CACNA2D4: variants seen among roughly 807,000 people sequenced by gnomAD.
The protein encoded by CACNA2D4 is voltage-dependent calcium channel subunit alpha-2/delta-4.
In CACNA2D4, 157 loss-of-function variants were observed where a neutral mutation model predicts 163.8. The observed-to-expected ratio is 0.96, with a 90% confidence interval of 0.84 to 1.09. The LOEUF (loss-of-function observed/expected upper bound fraction) is 1.09. Ranked by LOEUF, CACNA2D4 falls within the 50% of genes least tolerant of loss-of-function variation. The probability of loss-of-function intolerance (pLI) is 0.00; values close to 1 mark genes in which losing one functional copy is unlikely to be tolerated. For missense variants in CACNA2D4, 1,410 were observed against 1,479.9 expected (o/e 0.95, Z 0.78); for synonymous variants, 598 against 586.9 (o/e 1.02, Z -0.27).
At chr12:1,862,744 A>G (rs1865551309) in intron 18 of CACNA2D4, among the ~76,000 whole-genome samples, 1 of 152,188 alleles carries the variant, frequency 6.6e-6, no homozygotes, top group Admixed American at 6.5e-5. Context: ...CATTTCTCTG[A>G]TGACTAATGT....
Position 1,883,121 on chromosome 12 carries a change from C to T in CACNA2D4, c.1352-121G>A. On this transcript the variant is annotated intron_variant, in intron 12 of 37. Transcript: ENST00000382722. The surrounding 1 kb of genome is among the most constrained non-coding windows in gnomAD (Gnocchi z 4.5). ...GCCGAATACTCTCTGGAAACTGGAC[C>T]GGGGCACAGGGAGCTGCTTCCCCAC... 6.9e-6 allele frequency: 8 copies of T among 1,161,856 alleles called. No individual in the cohort carries two copies. Among genetic ancestry groups the T allele is most frequent in the East Asian group, 5.2e-5 (2 of 38,536 alleles). The allele number at this position is 1,161,856 out of a possible 1,614,324, so 72.0% of individuals were successfully genotyped here.
In CACNA2D4 at chr12:1,875,733, C is replaced by T. The variant is rs1865868739; in HGVS notation, c.1720-396G>A. On this transcript the variant is annotated intron_variant, in intron 16 of 37. Coordinates refer to ENST00000382722, the MANE Select transcript of CACNA2D4 (RefSeq NM_172364.5). The surrounding 1 kb of genome is among the most constrained non-coding windows in gnomAD (Gnocchi z 4.0). ...GCATAGAATGTGTTCCACCTGACAGCCCCTGGGATTTCCAAAGATACTTGT... is the reference window on the plus strand; with the variant it reads ...GCATAGAATGTGTTCCACCTGACAGTCCCTGGGATTTCCAAAGATACTTGT... 1.3e-5 allele frequency among the ~76,000 whole-genome samples: 2 copies of T among 152,218 alleles called. 1 individual carries two copies. Among genetic ancestry groups the T allele is most frequent in the South Asian group, 4.1e-4 (2 of 4,834 alleles).
At chr12:1,824,551 TAGG>T (rs1445937432) in intron 26 of CACNA2D4, among the ~76,000 whole-genome samples, 2 of 152,160 alleles carry the variant, frequency 1.3e-5, no homozygotes, top group African/African-American at 2.4e-5. Context: ...AGGACTGGGT[TAGG>T]AGCAGGCCCA....
At chr12:1,885,861 T>G in intron 9 of CACNA2D4, 104 bp downstream of exon 9, 3 of 813,850 alleles carry the variant, frequency 3.7e-6, no homozygotes, top group Non-Finnish European at 6.1e-6. Flanking sequence ...CCAGGTGCCA[T>G]GGGAATAAGC....
rs112110254 is a variant in CACNA2D4, at chr12:1,850,830, C to A, written c.2246+3121G>T. Among the ~76,000 whole-genome samples, 1,296 of 148,860 alleles carry A rather than the reference C, an allele frequency of 8.7e-3. 18 individuals carry two copies. Among genetic ancestry groups the A allele is most frequent in the African/African-American group, 0.031 (1,238 of 40,468 alleles). ...TCAGGAGGCTGAGGCAGGAGAATGG[C>A]GAGCTTGTGCCACTGCACTCCAGCC... On this transcript the variant is annotated intron_variant, in intron 23 of 37. Transcript: ENST00000382722.
In CACNA2D4 at chr12:1,792,186, C is replaced by T. The variant is rs1443375590; in HGVS notation, c.*1469G>A. The T allele has an allele frequency of 6.6e-6, 1 of 151,944 alleles. No individual in the cohort carries two copies. The highest frequency in any genetic ancestry group is 1.5e-5 in the Non-Finnish European group (1 of 67,984). The allele number at this position is 151,944 out of a possible 1,614,324, so 9.4% of individuals were successfully genotyped here. On this transcript the variant is annotated 3_prime_UTR_variant, in exon 38 of 38. Transcript: ENST00000382722. ...AAACATGTTATTTGGTACATGTAAA[C>T]CTTAGCTGTTCTAGCATTATTCTGC...
intron 27 of CACNA2D4, among the ~76,000 whole-genome samples, chr12:1,810,816 T>C (rs1219360159): frequency 6.6e-6 from 1 of 151,994 alleles, no homozygotes; most frequent in Non-Finnish European, 1.5e-5. Flanking sequence ...ATGTGTGGGG[T>C]GTCTGTACGT....
chr12:1,804,774 T>C (rs908396937), intron 29 of CACNA2D4, among the ~76,000 whole-genome samples: 2 of 152,264 alleles, frequency 1.3e-5, no homozygotes, highest in Admixed American at 1.3e-4. Context: ...GGAAGTGGAC[T>C]CGAAGGCAGG....
At chr12:1,851,730 C>A (rs1865288869) in intron 23 of CACNA2D4, among the ~76,000 whole-genome samples, 1 of 132,934 alleles carries the variant, frequency 7.5e-6, no homozygotes, top group Non-Finnish European at 1.6e-5. Flanking sequence ...CTTGTTCTTC[C>A]AAATGAACTT....
intron 31 of CACNA2D4, chr12:1,800,717 G>A: frequency 1.7e-6 from 1 of 594,138 alleles, no homozygotes; most frequent in South Asian, 2.0e-5. Context: ...CCTCATCCTG[G>A]TGCTGCACTG....
chr12:1,795,686 C>T lies in CACNA2D4; in HGVS notation c.3208G>A (p.Glu1070Lys), dbSNP rs557723623. ...AGGATATATTTGACTTCTGTCGCCT[C>T]CTGCAGCACTGGTGGGAAGATGCTG... is the stretch of plus-strand genomic sequence containing the variant. Reference protein sequence around the residue: ...DCSIFPPVLQEATEVKYNASV... With the variant: ...DCSIFPPVLQKATEVKYNASV... The change falls in exon 36 of 38, where the codon GAG (glutamate) becomes AAG (lysine). Residue 1070 changes from glutamate (E) to lysine (K), a missense_variant. Physicochemically the swap from Glu to Lys is moderately conservative, Grantham distance 56. Transcript: ENST00000382722. 33 of 1,611,770 alleles carry T rather than the reference C, an allele frequency of 2.0e-5. No individual in the cohort carries two copies. The African/African-American group carries it at 4.1e-4, about 20-fold the overall frequency.
intron 18 of CACNA2D4, among the ~76,000 whole-genome samples, chr12:1,860,455 C>T (rs1423967531): frequency 6.6e-6 from 1 of 152,246 alleles, no homozygotes; most frequent in Admixed American, 6.5e-5. Context: ...CCTGCACTGC[C>T]CATCACGATA....
intron 18 of CACNA2D4, among the ~76,000 whole-genome samples, chr12:1,867,390 T>C (rs138175016): frequency 6.6e-6 from 1 of 152,188 alleles, no homozygotes; most frequent in South Asian, 2.1e-4. Context: ...TCTTTCTCTG[T>C]CTTTTTCCCC....
rs568766668 is a variant in CACNA2D4, at chr12:1,875,953, A to G, written c.1720-616T>C. Among the ~76,000 whole-genome samples, 1 of 152,078 alleles carries G rather than the reference A, an allele frequency of 6.6e-6. No homozygotes were observed. Among genetic ancestry groups the G allele is most frequent in the African/African-American group, 2.4e-5 (1 of 41,388 alleles). On this transcript the variant is annotated intron_variant, in intron 16 of 37. Transcript: ENST00000382722. This position sits in a 1 kb window ranked among gnomAD's most constrained non-coding sequence, Gnocchi z 4.0. ...TGCACTAAGGCGTCAGGGGGCCCTG[A>G]CTGCTGCCTGCGGTTCTGCTGTTTT...
intron 6 of CACNA2D4, among the ~76,000 whole-genome samples, chr12:1,889,597 G>A (rs983235149): frequency 2.0e-5 from 3 of 152,034 alleles, no homozygotes; most frequent in African/African-American, 7.3e-5. Context: ...CCAGTAGCTG[G>A]AACTATAGGT....
chr12:1,879,645 G>T (rs1010801277), intron 14 of CACNA2D4, among the ~76,000 whole-genome samples, 159 bp downstream of exon 14: 1 of 152,230 alleles, frequency 6.6e-6, no homozygotes, highest in Non-Finnish European at 1.5e-5. Context: ...AACCAGGAGA[G>T]TCTGGGGTAG....
At chr12:1,796,760 C>G (rs1487750097) in intron 35 of CACNA2D4, among the ~76,000 whole-genome samples, 3 of 152,320 alleles carry the variant, frequency 2.0e-5, no homozygotes, top group African/African-American at 7.2e-5. Flanking sequence ...GCACGTCTGG[C>G]TGAGGCGACC....
chr12:1,878,194 C>T lies in CACNA2D4; in HGVS notation c.1719+121G>A, dbSNP rs1865919704. 3.8e-5 allele frequency: 42 copies of T among 1,093,780 alleles called. No homozygotes were observed. The highest frequency in any genetic ancestry group is 3.2e-4 in the Admixed American group (15 of 46,450). 67.8% of individuals were successfully genotyped at this position (1,093,780 alleles called of 1,614,324 possible). The stretch of plus-strand genomic sequence containing the variant: ...CATGACTCGAATACATTTTTTTTCT[C>T]ATATTACCCACTGGGTTCCTAAATG... On this transcript the variant is annotated intron_variant, in intron 16 of 37. Transcript: ENST00000382722. This position sits in a 1 kb window ranked among gnomAD's most constrained non-coding sequence, Gnocchi z 4.6.
rs761650596 is a variant in CACNA2D4 at position 1,907,907 on chromosome 12, C to G, written c.617G>C (p.Ser206Thr). 11 of 1,614,040 alleles carry G rather than the reference C, an allele frequency of 6.8e-6. No homozygotes were observed. The highest frequency in any genetic ancestry group is 9.3e-6 in the Non-Finnish European group (11 of 1,179,898). The change falls in exon 5 of 38, where the codon AGC (serine) becomes ACC (threonine). Residue 206 changes from serine to threonine, a missense_variant. Physicochemically the swap from Ser to Thr is moderately conservative, Grantham distance 58. Coordinates refer to ENST00000382722, the MANE Select transcript of CACNA2D4 (RefSeq NM_172364.5). ...GTACACGTTGGTGGGCAGCTGCACGCTGCTGATGGAGGTGTTCACCGGCAG... is the reference window on the plus strand; with the variant it reads ...GTACACGTTGGTGGGCAGCTGCACGGTGCTGATGGAGGTGTTCACCGGCAG... ...SNLPVNTSISSVQLPTNVYNK... is the reference protein window; with the variant it reads ...SNLPVNTSISTVQLPTNVYNK...
Sources: allele counts gnomAD v4.1 joint callset (sites outside exome capture counted in the v4.1 genomes callset), GRCh38; gene constraint gnomAD v4.1.1; non-coding constraint Gnocchi (gnomAD v3.1); transcripts MANE v1.5; gene names NCBI Gene and HGNC (gene_info 2026-07-23, HGNC 2026-07-21).